Variants in ATP8A2 observed in about 807,000 individuals in gnomAD.
The protein encoded by ATP8A2 is phospholipid-transporting ATPase IB.
Under a neutral mutation model 165.6 loss-of-function variants are expected in ATP8A2, and 100 were observed. The ratio of observed to expected loss-of-function variants is 0.60; its 90% CI spans 0.51 to 0.71. The LOEUF is 0.71. Ranked by LOEUF, ATP8A2 falls within the 30% of genes least tolerant of loss-of-function variation. The pLI, the probability that ATP8A2 is intolerant of heterozygous loss-of-function variation, is 0.00. For missense variants in ATP8A2, 1,227 were observed against 1,479.5 expected (o/e 0.83, Z 2.80); for synonymous variants, 543 against 548.8 (o/e 0.99, Z 0.15).
chr13:25,928,979 C>T (rs932148640), intron 33 of ATP8A2, among the ~76,000 whole-genome samples: 6 of 152,046 alleles, frequency 3.9e-5, no homozygotes, highest in East Asian at 3.9e-4. Context: ...TTCAAAACTT[C>T]TCTGTATCAT....
In ATP8A2 at chr13:25,390,984, A is replaced by G. The variant is rs75630117; in HGVS notation, c.76+18696A>G. Among the ~76,000 whole-genome samples, 930 of 152,032 alleles carry G rather than the reference A, an allele frequency of 6.1e-3. 50 individuals are homozygous for G. In the East Asian group the frequency reaches 0.13, roughly 21 times the overall value. On this transcript the variant is annotated intron_variant, in intron 1 of 36. Coordinates refer to ENST00000381655, the MANE Select transcript of ATP8A2 (RefSeq NM_016529.6). ...TATCTCAGTGGTTTCATTCCTTAGG[A>G]TTACTGAGTTGTGTTCTATTATTAT...
At chr13:25,609,542 A>AATATATATATATATATTTGGATTC (rs1565976883) in intron 24 of ATP8A2, among the ~76,000 whole-genome samples, 5 of 143,710 alleles carry the variant, frequency 3.5e-5, no homozygotes, top group African/African-American at 1.3e-4. Flanking sequence ...TTGGGATTCA[A>AATATATATATATATATTTGGATTC]ATATATATAT....
chr13:25,487,672 A>G (rs1435871028), intron 2 of ATP8A2, among the ~76,000 whole-genome samples: 1 of 152,216 alleles, frequency 6.6e-6, no homozygotes, highest in Non-Finnish European at 1.5e-5. Context: ...ATTAAAAGGT[A>G]AGGTGCATAT....
rs373887470 is a variant in ATP8A2 at position 25,861,472 on chromosome 13, G to T, written c.3075+612G>T. ...ATTTTGGTTATTTCCAGCATTTAAAGATTATAACTAAAGCTTCATGTGTGT... is the reference window on the plus strand; with the variant it reads ...ATTTTGGTTATTTCCAGCATTTAAATATTATAACTAAAGCTTCATGTGTGT... On this transcript the variant is annotated intron_variant, in intron 32 of 36. Coordinates refer to ENST00000381655, the MANE Select transcript of ATP8A2 (RefSeq NM_016529.6). Among the ~76,000 whole-genome samples the T allele has an allele frequency of 1.3e-4, 20 of 152,308 alleles. 1 individual carries two copies. In the South Asian group the frequency reaches 3.1e-3, roughly 24 times the overall value.
At chr13:25,704,258 A>G (rs909035491) in intron 25 of ATP8A2, among the ~76,000 whole-genome samples, 1 of 152,024 alleles carries the variant, frequency 6.6e-6, no homozygotes, top group African/African-American at 2.4e-5. Flanking sequence ...AGGGTTGAGA[A>G]GACAACTTCT....
In ATP8A2 at chr13:25,571,969, A is replaced by G. The variant is rs1273764089; in HGVS notation, c.1662+277A>G. On this transcript the variant is annotated intron_variant, in intron 18 of 36. Transcript: ENST00000381655. ...ACTTCACGAATCTACTCTTTGTTCT[A>G]TAATAATTGGGAAAATAACTTAGCG... Among the ~76,000 whole-genome samples the G allele has an allele frequency of 2.6e-5, 4 of 152,196 alleles. No homozygotes were observed. The East Asian group carries it at 5.8e-4, about 22-fold the overall frequency.
chr13:25,773,356 G>A (rs896210077), intron 26 of ATP8A2, among the ~76,000 whole-genome samples: 2 of 152,146 alleles, frequency 1.3e-5, no homozygotes, highest in African/African-American at 4.8e-5. Context: ...AGGACACCAC[G>A]CACCAGACCA....
intron 24 of ATP8A2, among the ~76,000 whole-genome samples, chr13:25,686,647 C>A (rs186797777): frequency 4.6e-5 from 7 of 152,264 alleles, no homozygotes; most frequent in South Asian, 2.1e-4. Flanking sequence ...AAAAATATTT[C>A]TTTTAATGTG....
intron 27 of ATP8A2, among the ~76,000 whole-genome samples, chr13:25,805,801 G>T (rs1950720618): frequency 6.6e-6 from 1 of 152,094 alleles, no homozygotes; most frequent in Non-Finnish European, 1.5e-5. Flanking sequence ...ATCAATGTAA[G>T]AACTTATTAG....
At chr13:25,763,440 T>C (rs2044425876) in intron 25 of ATP8A2, among the ~76,000 whole-genome samples, 1 of 152,206 alleles carries the variant, frequency 6.6e-6, no homozygotes, top group Non-Finnish European at 1.5e-5. Context: ...AGGGAGCTTT[T>C]ATAGTGAGGG....
At position 25,469,017 on chromosome 13, in the gene ATP8A2, T is replaced by C; in HGVS notation, c.117T>C (p.Asp39=). The part of the protein sequence containing the change: ...RSSLGYKKAE[D]EMSRATSVGD... The stretch of plus-strand genomic sequence containing the variant: ...CTTTGGGCTATAAGAAGGCAGAGGA[T>C]GAGATGTCCCGGGCCACGTCTGTTG... The change falls in exon 2 of 37, where the codon GAT becomes GAC. Residue 39 remains aspartate, a synonymous_variant. Coordinates refer to ENST00000381655, the MANE Select transcript of ATP8A2 (RefSeq NM_016529.6). 1.9e-6 allele frequency: 3 copies of C among 1,614,042 alleles called. No homozygotes were observed. The highest frequency in any genetic ancestry group is 2.5e-6 in the Non-Finnish European group (3 of 1,179,896).
intron 25 of ATP8A2, among the ~76,000 whole-genome samples, chr13:25,720,535 A>T (rs1341134028): frequency 6.6e-6 from 1 of 152,130 alleles, no homozygotes; most frequent in Admixed American, 6.6e-5. Flanking sequence ...GTTCATCTTT[A>T]TGGACCTTGG....
intron 25 of ATP8A2, among the ~76,000 whole-genome samples, chr13:25,749,431 A>T (rs1418607749): frequency 2.0e-5 from 3 of 152,256 alleles, no homozygotes; most frequent in African/African-American, 7.2e-5. Flanking sequence ...AGCCGAGGGG[A>T]GTCCAGATGC....
chr13:25,828,020 T>C (rs1951364081), intron 27 of ATP8A2, 98 bp from the exon 28 acceptor site: 3 of 892,900 alleles, frequency 3.4e-6, no homozygotes, highest in Non-Finnish European at 5.7e-6. Context: ...TTAGCAGCTG[T>C]GTCCAGCTGG....
chr13:25,699,615 T>C (rs1159176096), intron 25 of ATP8A2, among the ~76,000 whole-genome samples: 2 of 152,160 alleles, frequency 1.3e-5, no homozygotes, highest in South Asian at 2.1e-4. Context: ...GGGGGATAAA[T>C]TGGAAAAACA....
intron 2 of ATP8A2, among the ~76,000 whole-genome samples, chr13:25,492,042 A>C (rs1427851751): frequency 1.3e-5 from 2 of 152,134 alleles, no homozygotes; most frequent in African/African-American, 2.4e-5. Flanking sequence ...ATTTACTGGC[A>C]TGATTAGATG....
chr13:25,382,816 C>T (rs1046760779), intron 1 of ATP8A2, among the ~76,000 whole-genome samples: 4 of 151,282 alleles, frequency 2.6e-5, no homozygotes, highest in Admixed American at 2.6e-4. Context: ...AGTGCAGTGG[C>T]ACGATCTCAG....
At chr13:25,833,345 A>G (rs1039331444) in intron 28 of ATP8A2, among the ~76,000 whole-genome samples, 2 of 152,158 alleles carry the variant, frequency 1.3e-5, no homozygotes, top group Non-Finnish European at 2.9e-5. Context: ...GAAAGGGGGA[A>G]GTTGCATAAA....
chr13:25,609,519 A>AATATATATATATTTGGGATTCAAATAT lies in ATP8A2; in HGVS notation c.2211+19837_2211+19863dup, dbSNP rs1565976774. On this transcript the variant is annotated intron_variant, in intron 24 of 36. Coordinates refer to ENST00000381655, the MANE Select transcript of ATP8A2 (RefSeq NM_016529.6). ...AGCATTAAAAGAATAAAGGATTCCA[A>AATATATATATATTTGGGATTCAAATAT]ATATATATATATTTGGGATTCAAAT... 2.0e-3 allele frequency among the ~76,000 whole-genome samples: 71 copies of AATATATATATATTTGGGATTCAAATAT among 36,038 alleles called. 1 individual carries two copies. The highest frequency in any genetic ancestry group is 4.2e-3 in the East Asian group (14 of 3,364). The allele number at this position is 36,038 out of a possible 152,430, so 23.6% of individuals were successfully genotyped here.
Sources: allele counts gnomAD v4.1 joint callset (sites outside exome capture counted in the v4.1 genomes callset), GRCh38; gene constraint gnomAD v4.1.1; transcripts MANE v1.5; gene names NCBI Gene and HGNC (gene_info 2026-07-23, HGNC 2026-07-21).